Variants in CTSS observed in about 807,000 individuals in gnomAD.
CTSS encodes cathepsin S.
CTSS carries 15 observed loss-of-function variants against 39.9 expected under a neutral mutation model. That is an observed-to-expected ratio of 0.38 (90% confidence interval 0.25 to 0.58). CTSS has a LOEUF of 0.58. CTSS is among the 20% of genes least tolerant of loss of function. CTSS has a pLI of 0.70. For missense variants in CTSS, 250 were observed against 398.2 expected (o/e 0.63, Z 3.17); for synonymous variants, 126 against 138.2 (o/e 0.91, Z 0.62).
Position 150,731,611 on chromosome 1 carries a change from C to CT in CTSS, c.*1434_*1435insA, listed in dbSNP as rs1652523083. On this transcript the variant is annotated 3_prime_UTR_variant, in exon 8 of 8. Transcript: ENST00000368985. The stretch of plus-strand genomic sequence containing the variant: ...ACATTATCCCACACATTGTTCATGT[C>CT]ATAGACATGAACTTAAAAAATTTAA... 6.6e-6 allele frequency: 1 copy of CT among 152,158 alleles called. No homozygotes were observed. The highest frequency in any genetic ancestry group is 1.5e-5 in the Non-Finnish European group (1 of 68,024). The allele number at this position is 152,158 out of a possible 1,614,324, so 9.4% of individuals were successfully genotyped here.
At chr1:150,737,588 A>G (rs1414356235) in intron 7 of CTSS, among the ~76,000 whole-genome samples, 1 of 152,170 alleles carries the variant, frequency 6.6e-6, no homozygotes, top group Admixed American at 6.6e-5. Flanking sequence ...CTAACTTATT[A>G]TTCCTTCTAA....
chr1:150,749,571 C>T (rs1168986346), intron 6 of CTSS, among the ~76,000 whole-genome samples: 1 of 136,714 alleles, frequency 7.3e-6, no homozygotes, highest in Non-Finnish European at 1.6e-5. Context: ...CGCCCCGCCT[C>T]ACCCCGCCCC....
intron 1 of CTSS, 77 bp from the exon 2 acceptor site, chr1:150,764,841 A>G: frequency 6.5e-7 from 1 of 1,533,460 alleles, no homozygotes; most frequent in Non-Finnish European, 9.0e-7. Flanking sequence ...ATAAGAGAAA[A>G]TAACAATGCA....
At chr1:150,760,489 C>T (rs1290860584) in intron 2 of CTSS, among the ~76,000 whole-genome samples, 1 of 152,120 alleles carries the variant, frequency 6.6e-6, no homozygotes, top group African/African-American at 2.4e-5. Context: ...CAATATAGTG[C>T]TGAAAATCCT....
At chr1:150,740,853 C>A (rs923604832) in intron 7 of CTSS, among the ~76,000 whole-genome samples, 1 of 151,770 alleles carries the variant, frequency 6.6e-6, no homozygotes, top group African/African-American at 2.4e-5. Flanking sequence ...TGTCACCATG[C>A]CTGGCTTATT....
At chr1:150,760,627 C>T (rs1653235144) in intron 2 of CTSS, among the ~76,000 whole-genome samples, 1 of 152,142 alleles carries the variant, frequency 6.6e-6, no homozygotes, top group African/African-American at 2.4e-5. Context: ...GTGGCTCATG[C>T]CTGTACTTTG....
intron 5 of CTSS, among the ~76,000 whole-genome samples, chr1:150,750,960 C>T (rs1358818772): frequency 2.0e-5 from 3 of 151,910 alleles, no homozygotes; most frequent in African/African-American, 7.3e-5. Context: ...TTTTTAAGTG[C>T]TTAACAAGAA....
At chr1:150,741,275 A>G (rs1652751346) in intron 7 of CTSS, among the ~76,000 whole-genome samples, 2 of 152,196 alleles carry the variant, frequency 1.3e-5, no homozygotes, top group South Asian at 4.1e-4. Context: ...TAGAGTTATA[A>G]GCATGAGCTT....
At chr1:150,742,029 G>A (rs950821245) in intron 7 of CTSS, among the ~76,000 whole-genome samples, 4 of 151,952 alleles carry the variant, frequency 2.6e-5, no homozygotes, top group African/African-American at 7.2e-5. Context: ...ACGAGGTCAA[G>A]AGATCGAGAT....
At chr1:150,748,828 T>C (rs1395372218) in intron 6 of CTSS, among the ~76,000 whole-genome samples, 2 of 152,242 alleles carry the variant, frequency 1.3e-5, no homozygotes, top group Admixed American at 1.3e-4. Flanking sequence ...CCCAAAAGCA[T>C]GTGCTCACAT....
chr1:150,750,725 C>A (rs1244893194), intron 5 of CTSS, among the ~76,000 whole-genome samples: 1 of 152,148 alleles, frequency 6.6e-6, no homozygotes, highest in African/African-American at 2.4e-5. Flanking sequence ...CAGCCTCCAA[C>A]TCCTGGGCCA....
At chr1:150,761,687 C>T (rs1422662955) in intron 2 of CTSS, among the ~76,000 whole-genome samples, 14 of 151,862 alleles carry the variant, frequency 9.2e-5, no homozygotes, top group Middle Eastern at 3.2e-3. Flanking sequence ...GCAGAGGTCA[C>T]GCCACTGCAC....
At chr1:150,743,707 AT>A (rs1169085413) in intron 7 of CTSS, among the ~76,000 whole-genome samples, 10 of 63,742 alleles carry the variant, frequency 1.6e-4, no homozygotes, top group Admixed American at 2.8e-4. Context: ...TACATAATAT[AT>A]TATATATTAT....
At chr1:150,739,732 G>A (rs986653417) in intron 7 of CTSS, among the ~76,000 whole-genome samples, 2 of 151,256 alleles carry the variant, frequency 1.3e-5, no homozygotes, top group African/African-American at 4.9e-5. Flanking sequence ...GAAAAAAAGT[G>A]AAACAGCCTT....
chr1:150,757,714 T>TA (rs1432112618), intron 3 of CTSS, 144 bp downstream of exon 3: 10 of 663,312 alleles, frequency 1.5e-5, no homozygotes, highest in East Asian at 1.5e-4. Flanking sequence ...TACACGTTCT[T>TA]ACGTCCTTCA....
intron 7 of CTSS, among the ~76,000 whole-genome samples, chr1:150,740,791 C>A (rs587619490): frequency 3.3e-5 from 5 of 151,774 alleles, no homozygotes; most frequent in Admixed American, 3.3e-4. Flanking sequence ...ACTTCCTGGG[C>A]TCAAGTGATA....
intron 4 of CTSS, 26 bp from the exon 5 acceptor site, chr1:150,752,034 G>A (rs756405205): frequency 2.5e-6 from 4 of 1,607,072 alleles, no homozygotes; most frequent in Middle Eastern, 1.7e-4. Context: ...GGTCACAAAC[G>A]CAAATCACAG....
In CTSS at chr1:150,747,866, T is replaced by G; in HGVS notation, c.807A>C (p.Glu269Asp). The change falls in exon 7 of 8, where the codon GAA (glutamate) becomes GAC (aspartate). Residue 269 changes from glutamate to aspartate, a missense_variant. Coordinates refer to ENST00000368985, the MANE Select transcript of CTSS (RefSeq NM_004079.5). ...FFLYRSGVYY[E>D]PSCTQNVNHG... ...GATTCACATTCTGAGTACAGGATGGTTCATAGTAGACACCTGAGAATCAAA... is the reference window on the plus strand; with the variant it reads ...GATTCACATTCTGAGTACAGGATGGGTCATAGTAGACACCTGAGAATCAAA... 6.2e-7 allele frequency: 1 copy of G among 1,611,398 alleles called. No homozygotes were observed. The highest frequency in any genetic ancestry group is 8.5e-7 in the Non-Finnish European group (1 of 1,177,664).
chr1:150,758,076 G>A lies in CTSS; in HGVS notation c.127-96C>T, dbSNP rs587688800. On this transcript the variant is annotated intron_variant, in intron 2 of 7. Transcript: ENST00000368985. ...CAATTTTTTTTTTTTTTGAGATGGAGTCTCACTCTGTCACCCAAGCTGGAG... is the reference window on the plus strand; with the variant it reads ...CAATTTTTTTTTTTTTTGAGATGGAATCTCACTCTGTCACCCAAGCTGGAG... 1.4e-5 allele frequency: 16 copies of A among 1,125,360 alleles called. No individual in the cohort carries two copies. In the African/African-American group the frequency reaches 1.7e-4, roughly 12 times the overall value. The allele number at this position is 1,125,360 out of a possible 1,614,324, so 69.7% of individuals were successfully genotyped here.
Sources: allele counts gnomAD v4.1 joint callset (sites outside exome capture counted in the v4.1 genomes callset), GRCh38; gene constraint gnomAD v4.1.1; transcripts MANE v1.5; gene names NCBI Gene and HGNC (gene_info 2026-07-23, HGNC 2026-07-21).